FHOD3: variants seen among roughly 807,000 people sequenced by gnomAD.
FHOD3 encodes the protein formin homology 2 domain containing 3, also known as FH1/FH2 domain-containing protein 3.
A neutral mutation model predicts 173.0 loss-of-function variants in FHOD3; 90 were observed. That is an observed-to-expected ratio of 0.52 (90% CI 0.44 to 0.62). The LOEUF is 0.62. Among genes scored for constraint, FHOD3 ranks in the 20% least tolerant of loss-of-function variants. The probability of loss-of-function intolerance (pLI) is 0.00; values close to 1 mark genes in which losing one functional copy is unlikely to be tolerated. For synonymous variants in FHOD3, 828 were observed against 823.0 expected, an observed-to-expected ratio of 1.01 and a Z score of -0.10; for missense variants, 1,945 against 2,034.7, an observed-to-expected ratio of 0.96 and a Z score of 0.85.
intron 3 of FHOD3, among the ~76,000 whole-genome samples, chr18:36,470,497 T>C (rs2053218492): frequency 6.6e-6 from 1 of 152,206 alleles, no homozygotes; most frequent in Non-Finnish European, 1.5e-5. Flanking sequence ...TGGAATAGGA[T>C]ACACCAGAGT....
At chr18:36,739,295 A>C (rs1483262734) in intron 20 of FHOD3, among the ~76,000 whole-genome samples, 1 of 152,226 alleles carries the variant, frequency 6.6e-6, no homozygotes, top group Non-Finnish European at 1.5e-5. Context: ...GTATAAATAC[A>C]GTTGCCAAGA....
chr18:36,584,531 C>G (rs191829563), intron 6 of FHOD3, among the ~76,000 whole-genome samples: 71 of 152,302 alleles, frequency 4.7e-4, no homozygotes, highest in African/African-American at 1.6e-3. Flanking sequence ...GTCTTAAATC[C>G]ATCCTTGATA....
At position 36,300,854 on chromosome 18, in the gene FHOD3, C is replaced by T. The variant is rs760214135; in HGVS notation, c.165+2854C>T. On this transcript the variant is annotated intron_variant, in intron 1 of 28. Coordinates refer to ENST00000590592, the MANE Select transcript of FHOD3 (RefSeq NM_001281740.3). ...CCCTGGGCTCAGGTGATCCCTCCCA[C>T]CTCAGCCTCCTGTGTTGCTGGGACT... 3.9e-5 allele frequency among the ~76,000 whole-genome samples: 6 copies of T among 152,222 alleles called. No individual in the cohort carries two copies. The South Asian group carries it at 1.2e-3, about 32-fold the overall frequency.
In FHOD3 at chr18:36,618,695, G is replaced by A. The variant is rs572309679; in HGVS notation, c.957+6600G>A. 4.3e-4 allele frequency among the ~76,000 whole-genome samples: 65 copies of A among 152,294 alleles called. 2 individuals are homozygous for A. The South Asian group carries it at 5.4e-3, about 13-fold the overall frequency. On this transcript the variant is annotated intron_variant, in intron 9 of 28. Transcript: ENST00000590592. ...AAAATGTTTGCATTAGTATTCATAAGTAAGATTGGTGTGTAGCAGCTAGCT... is the reference window on the plus strand; with the variant it reads ...AAAATGTTTGCATTAGTATTCATAAATAAGATTGGTGTGTAGCAGCTAGCT...
At chr18:36,551,562 A>G (rs1022463552) in intron 5 of FHOD3, among the ~76,000 whole-genome samples, 3 of 152,082 alleles carry the variant, frequency 2.0e-5, no homozygotes, top group Non-Finnish European at 4.4e-5. Flanking sequence ...TTTAGTCATG[A>G]AGTCCTTGCC....
chr18:36,489,321 G>C (rs1325163057), intron 3 of FHOD3, among the ~76,000 whole-genome samples: 2 of 152,152 alleles, frequency 1.3e-5, no homozygotes, highest in Non-Finnish European at 1.5e-5. Flanking sequence ...GCAGGGCAGT[G>C]ACAGCCATTG....
intron 19 of FHOD3, among the ~76,000 whole-genome samples, chr18:36,718,946 G>A (rs956212352): frequency 2.6e-5 from 4 of 152,172 alleles, no homozygotes; most frequent in African/African-American, 9.7e-5. Context: ...ATTAGGCAAA[G>A]GAGCTTTCAA....
intron 3 of FHOD3, among the ~76,000 whole-genome samples, chr18:36,453,612 C>T (rs1351784310): frequency 6.6e-6 from 1 of 152,222 alleles, no homozygotes; most frequent in Non-Finnish European, 1.5e-5. Context: ...GCCAACTGCC[C>T]ACAGCCTTGA....
At chr18:36,403,323 G>C (rs943488590) in intron 3 of FHOD3, among the ~76,000 whole-genome samples, 5 of 152,142 alleles carry the variant, frequency 3.3e-5, no homozygotes, top group Admixed American at 3.3e-4. Flanking sequence ...ATGCTTATTG[G>C]GGGTGTCGAA....
intron 3 of FHOD3, among the ~76,000 whole-genome samples, chr18:36,473,577 G>A (rs1457034383): frequency 6.6e-6 from 1 of 152,118 alleles, no homozygotes; most frequent in Non-Finnish European, 1.5e-5. Context: ...TCAAGTTGAG[G>A]GGAATTTTTA....
chr18:36,324,586 AG>A (rs1486507457), intron 1 of FHOD3, among the ~76,000 whole-genome samples: 1 of 152,252 alleles, frequency 6.6e-6, no homozygotes, highest in African/African-American at 2.4e-5. Context: ...AGACTTGAAT[AG>A]GTACTCCGTT....
At chr18:36,391,043 AGG>A (rs1261694969) in intron 3 of FHOD3, among the ~76,000 whole-genome samples, 1 of 152,258 alleles carries the variant, frequency 6.6e-6, no homozygotes, top group Non-Finnish European at 1.5e-5. Context: ...TTAGGATTGA[AGG>A]GGCAGAAAGC....
intron 10 of FHOD3, among the ~76,000 whole-genome samples, chr18:36,647,373 A>G (rs2149056801): frequency 6.6e-6 from 1 of 152,364 alleles, no homozygotes; most frequent in Admixed American, 6.5e-5. Flanking sequence ...TTCATTAGTC[A>G]TCAGAGAAAG....
chr18:36,583,010 T>C (rs1046514007), intron 6 of FHOD3, among the ~76,000 whole-genome samples: 1 of 152,260 alleles, frequency 6.6e-6, no homozygotes, highest in Non-Finnish European at 1.5e-5. Context: ...TCTGTTCTGC[T>C]TCTTTCTCTT....
chr18:36,649,537 C>T lies in FHOD3; in HGVS notation c.1286+132C>T, dbSNP rs922425908. 2.3e-5 allele frequency: 13 copies of T among 561,822 alleles called. No homozygotes were observed. The African/African-American group carries it at 2.5e-4, about 11-fold the overall frequency. The allele number at this position is 561,822 out of a possible 1,614,324, so 34.8% of individuals were successfully genotyped here. A position where few individuals can be genotyped will look rare whatever the true frequency, so the allele number is the denominator to read the frequency against. ...CTTGCAAACTCTTACTTACCCTGTT[C>T]ACAGAGCCACAGAACCACTGGTTTT... On this transcript the variant is annotated intron_variant, in intron 11 of 28. Transcript: ENST00000590592.
In FHOD3 at chr18:36,574,162, A is replaced by T. The variant is rs186063442; in HGVS notation, c.512-2289A>T. On this transcript the variant is annotated intron_variant, in intron 5 of 28. Transcript: ENST00000590592. ...ACACAGTGAGCGCTAAATACATGGT[A>T]ACTTTACAAAATAATTATAGTTCTA... Among the ~76,000 whole-genome samples, 454 of 152,330 alleles carry T rather than the reference A, an allele frequency of 3.0e-3. 1 individual carries two copies. Among genetic ancestry groups the T allele is most frequent in the Non-Finnish European group, 4.9e-3 (332 of 68,026 alleles).
At chr18:36,437,368 T>C (rs1310958960) in intron 3 of FHOD3, among the ~76,000 whole-genome samples, 1 of 152,202 alleles carries the variant, frequency 6.6e-6, no homozygotes, top group Non-Finnish European at 1.5e-5. Context: ...AACATGAGAA[T>C]AATAGTGATC....
chr18:36,687,283 A>G (rs2038683754), intron 16 of FHOD3, 105 bp downstream of exon 16: 2 of 835,064 alleles, frequency 2.4e-6, no homozygotes, highest in Non-Finnish European at 3.9e-6. Flanking sequence ...GCTTCACCTA[A>G]AACCTTACAT....
chr18:36,350,486 G>A (rs1425132221), intron 1 of FHOD3, among the ~76,000 whole-genome samples: 2 of 152,184 alleles, frequency 1.3e-5, no homozygotes, highest in African/African-American at 2.4e-5. Context: ...GTCCTGAAGT[G>A]CCTGGCAATG....
Sources: allele counts gnomAD v4.1 joint callset (sites outside exome capture counted in the v4.1 genomes callset), GRCh38; gene constraint gnomAD v4.1.1; transcripts MANE v1.5; gene names NCBI Gene and HGNC (gene_info 2026-07-23, HGNC 2026-07-21).